Variants in MYLK2 observed in about 807,000 individuals in gnomAD.
MYLK2 encodes myosin light chain kinase 2, skeletal/cardiac muscle.
In MYLK2, 27 loss-of-function variants were observed where a neutral mutation model predicts 58.2. The ratio of observed to expected loss-of-function variants is 0.46; its 90% CI spans 0.34 to 0.64. The LOEUF is 0.64. Ranked by LOEUF, MYLK2 falls within the 30% of genes least tolerant of loss-of-function variation. The pLI is 0.01. For synonymous variants in MYLK2, 310 were observed against 296.7 expected (o/e 1.04, Z -0.46); for missense variants, 676 against 764.3 (o/e 0.88, Z 1.36).
At chr20:31,828,086 C>T in intron 8 of MYLK2, 3 of 645,506 alleles carry the variant, frequency 4.6e-6, no homozygotes, top group Non-Finnish European at 5.8e-6. Flanking sequence ...CGGGGTTTCG[C>T]CATGCTGGTC....
chr20:31,824,392 AGGG>A (rs2062268459), intron 6 of MYLK2, 40 bp downstream of exon 6: 1 of 1,585,028 alleles, frequency 6.3e-7, no homozygotes, highest in East Asian at 2.3e-5. Context: ...CAGGATGGGG[AGGG>A]GATCCTTGGA....
At position 31,833,762 on chromosome 20, in the gene MYLK2, A is replaced by G. The variant is rs753524494; in HGVS notation, c.1756A>G (p.Ser586Gly). Residue 586 changes from serine (S) to glycine (G), a missense_variant, in exon 13 of 13, where the codon AGC (serine) becomes GGC (glycine). Physicochemically the swap from Ser to Gly is moderately conservative, Grantham distance 56 (BLOSUM62 0). This residue lies in a region of MYLK2 where 370 missense variants were observed against 467.8 expected (regional missense o/e 0.79). Coordinates refer to ENST00000375985, the MANE Select transcript of MYLK2 (RefSeq NM_033118.4). ...VSAANRFKKISSSGALMALGV is the reference protein window; with the variant it reads ...VSAANRFKKIGSSGALMALGV ...CGCTGCCAACCGCTTCAAGAAGATCAGCAGCTCGGGGGCACTGATGGCTCT... is the reference window on the plus strand; with the variant it reads ...CGCTGCCAACCGCTTCAAGAAGATCGGCAGCTCGGGGGCACTGATGGCTCT... 6.2e-7 allele frequency: 1 copy of G among 1,613,778 alleles called. No individual in the cohort carries two copies. Among genetic ancestry groups the G allele is most frequent in the South Asian group, 1.1e-5 (1 of 91,086 alleles).
rs1432126645 is a variant in MYLK2 at position 31,826,854 on chromosome 20, G to A, written c.1140G>A (p.Glu380=). 1 of 1,614,152 alleles carries A rather than the reference G, an allele frequency of 6.2e-7. No individual in the cohort carries two copies. The highest frequency in any genetic ancestry group is 1.7e-5 in the Admixed American group (1 of 60,014). ...TGGATGAGGACTACCATCTGACCGA[G>A]GTGGACACCATGGTGTTTGTCAGGC... The part of the protein sequence containing the change: ...RIVDEDYHLT[E]VDTMVFVRQI... The change falls in exon 8 of 13, where the codon GAG becomes GAA. Residue 380 remains glutamate, a synonymous_variant. Coordinates refer to ENST00000375985, the MANE Select transcript of MYLK2 (RefSeq NM_033118.4).
intron 8 of MYLK2, chr20:31,827,463 G>C: frequency 2.0e-6 from 2 of 985,386 alleles, no homozygotes; most frequent in Non-Finnish European, 2.4e-6. Flanking sequence ...TAGTGTCAGC[G>C]TGGCAATGTG....
intron 3 of MYLK2, 24 bp from the exon 4 acceptor site, chr20:31,821,415 C>T: frequency 1.2e-6 from 2 of 1,612,276 alleles, no homozygotes; most frequent in Non-Finnish European, 1.7e-6. Flanking sequence ...CTGAGGGCTT[C>T]ACCTCTGTGT....
In MYLK2 at chr20:31,832,048, A is replaced by G. The variant is rs769061608; in HGVS notation, c.1622A>G (p.Asn541Ser). 1.7e-5 allele frequency: 27 copies of G among 1,606,920 alleles called. No homozygotes were observed. The highest frequency in any genetic ancestry group is 2.2e-5 in the South Asian group (2 of 89,964). The change falls in exon 12 of 13, where the codon AAC (asparagine) becomes AGC (serine). Residue 541 changes from asparagine (N) to serine (S), a missense_variant. Physicochemically the swap from Asn to Ser is conservative, Grantham distance 46. Around this residue, in one of 2 missense-constraint regions of MYLK2, gnomAD observed 370 missense variants for 467.8 expected, o/e 0.79. Coordinates refer to ENST00000375985, the MANE Select transcript of MYLK2 (RefSeq NM_033118.4). ...AAQCLAHPWLNNLAEKAKRCN... is the reference protein window; with the variant it reads ...AAQCLAHPWLSNLAEKAKRCN... The stretch of plus-strand genomic sequence containing the variant: ...CAGTGTCTCGCCCATCCCTGGCTCA[A>G]CAACCTGGCGGAGAAAGCCAAACGC...
At chr20:31,826,754 C>T (rs772480822) in intron 7 of MYLK2, 40 bp downstream of exon 7, 3 of 1,613,958 alleles carry the variant, frequency 1.9e-6, no homozygotes, top group South Asian at 2.2e-5. Context: ...GGTGGGGGTA[C>T]CACCAGGCAC....
chr20:31,833,728 T>A lies in MYLK2; in HGVS notation c.1722T>A (p.Ile574=), dbSNP rs1240208651. The A allele has an allele frequency of 4.3e-6, 7 of 1,613,972 alleles. No homozygotes were observed. The Admixed American group carries it at 1.2e-4, about 27-fold the overall frequency. ...CTTCTGCCCTCTAGAAAAACTTCAT[T>A]GCTGTCAGCGCTGCCAACCGCTTCA... ...LMKRRWKKNF[I]AVSAANRFKK... Residue 574 remains isoleucine, a synonymous_variant, in exon 13 of 13, where the codon ATT becomes ATA. Transcript: ENST00000375985.
In MYLK2 at chr20:31,832,171, G is replaced by T. The variant is rs753114243; in HGVS notation, c.1710+35G>T. The stretch of plus-strand genomic sequence containing the variant: ...GATTCAGGGTGGGGAGGGAGGGCTT[G>T]CTAGTGGGAAGAGCTCCTGGTGCCA... On this transcript the variant is annotated intron_variant, in intron 12 of 12. Coordinates refer to ENST00000375985, the MANE Select transcript of MYLK2 (RefSeq NM_033118.4). The T allele has an allele frequency of 3.8e-6, 6 of 1,593,504 alleles. No individual in the cohort carries two copies. In the South Asian group the frequency reaches 6.8e-5, roughly 18 times the overall value.
intron 8 of MYLK2, among the ~76,000 whole-genome samples, chr20:31,829,249 A>C (rs541395046): frequency 3.9e-5 from 6 of 152,266 alleles, no homozygotes; most frequent in Admixed American, 6.5e-5. Flanking sequence ...TCAGGATAAT[A>C]ATACGTTTTT....
In MYLK2 at chr20:31,824,272, G is replaced by A; in HGVS notation, c.892G>A (p.Ala298Thr). ...KEALGGGKFG[A>T]VCTCMEKATG... ...TTCTCTTTCCAGTGGCAAGTTTGGG[G>A]CAGTCTGTACCTGCATGGAGAAAGC... The change falls in exon 6 of 13, where the codon GCA (alanine) becomes ACA (threonine). Residue 298 changes from alanine (A) to threonine (T), a missense_variant. Coordinates refer to ENST00000375985, the MANE Select transcript of MYLK2 (RefSeq NM_033118.4). The A allele has an allele frequency of 6.2e-7, 1 of 1,613,576 alleles. No homozygotes were observed. Among genetic ancestry groups the A allele is most frequent in the African/African-American group, 1.3e-5 (1 of 75,046 alleles).
chr20:31,826,629 G>A lies in MYLK2; in HGVS notation c.997G>A (p.Val333Ile). ...DKEMVLLEIE[V>I]MNQLNHRNLI... ...GGAAATGGTGTTGCTGGAGATTGAG[G>A]TCATGAACCAGCTGAACCACCGCAA... Residue 333 changes from valine (V) to isoleucine (I), a missense_variant, in exon 7 of 13, where the codon GTC becomes ATC. Coordinates refer to ENST00000375985, the MANE Select transcript of MYLK2 (RefSeq NM_033118.4). The A allele has an allele frequency of 6.2e-7, 1 of 1,613,996 alleles. No individual in the cohort carries two copies. Among genetic ancestry groups the A allele is most frequent in the Non-Finnish European group, 8.5e-7 (1 of 1,179,974 alleles).
At chr20:31,829,607 CA>C (rs769367278) in intron 8 of MYLK2, among the ~76,000 whole-genome samples, 41 of 152,282 alleles carry the variant, frequency 2.7e-4, no homozygotes, top group Non-Finnish European at 2.2e-4. Context: ...TGGGAGGGAT[CA>C]GGGGGTGGTG....
rs757763288 is a variant in MYLK2 at position 31,820,394 on chromosome 20, C to T, written c.321C>T (p.Ser107=). 1.4e-5 allele frequency: 22 copies of T among 1,612,632 alleles called. No individual in the cohort carries two copies. The highest frequency in any genetic ancestry group is 1.9e-5 in the Non-Finnish European group (22 of 1,179,758). The part of the protein sequence containing the change: ...LPQQTATPET[S]VKKPKAEQGA... ...AGCAGACTGCGACACCTGAGACCAG[C>T]GTCAAGAAGCCCAAGGCTGAGCAGG... Residue 107 remains serine, a synonymous_variant, in exon 3 of 13, where the codon AGC becomes AGT. Transcript: ENST00000375985.
chr20:31,824,867 A>G (rs546826595), intron 6 of MYLK2, among the ~76,000 whole-genome samples: 1 of 152,336 alleles, frequency 6.6e-6, no homozygotes, highest in East Asian at 1.9e-4. Flanking sequence ...AGGAGGTAAT[A>G]GCAACCTCGT....
At position 31,820,178 on chromosome 20, in the gene MYLK2, C is replaced by T. The variant is rs551492045; in HGVS notation, c.105C>T (p.Asp35=). 23 of 1,614,008 alleles carry T rather than the reference C, an allele frequency of 1.4e-5. No homozygotes were observed. In the African/African-American group the frequency reaches 2.8e-4, roughly 20 times the overall value. The change falls in exon 3 of 13, where the codon GAC becomes GAT. Residue 35 remains aspartate, a synonymous_variant. Transcript: ENST00000375985. The part of the protein sequence containing the change: ...TGERPLAAGK[D]PGPPDPKKAP... ...AAAGACCCCTGGCTGCAGGGAAAGA[C>T]CCTGGCCCCCCAGACCCAAAGAAAG...
In MYLK2 at chr20:31,826,651, G is replaced by T; in HGVS notation, c.1019G>T (p.Arg340Leu). ...GAGGTCATGAACCAGCTGAACCACC[G>T]CAATCTGATCCAGCTGTATGCAGCC... The part of the protein sequence containing the change: ...EIEVMNQLNH[R>L]NLIQLYAAIE... The change falls in exon 7 of 13, where the codon CGC becomes CTC. Residue 340 changes from arginine to leucine, a missense_variant. Arg to Leu is a moderately radical substitution (Grantham distance 102). Around this residue, in one of 2 missense-constraint regions of MYLK2, gnomAD observed 370 missense variants for 467.8 expected, o/e 0.79. Coordinates refer to ENST00000375985, the MANE Select transcript of MYLK2 (RefSeq NM_033118.4). The T allele has an allele frequency of 6.2e-7, 1 of 1,614,074 alleles. No homozygotes were observed. Among genetic ancestry groups the T allele is most frequent in the East Asian group, 2.2e-5 (1 of 44,878 alleles).
chr20:31,832,084 G>A lies in MYLK2; in HGVS notation c.1658G>A (p.Arg553His), dbSNP rs752670235. ...LAEKAKRCNRRLKSQILLKKY... is the reference protein window; with the variant it reads ...LAEKAKRCNRHLKSQILLKKY... Reference sequence around the variant, plus strand: ...GAGAAAGCCAAACGCTGTAACCGACGCCTTAAGTCCCAGATCTTGCTTAAG... The same window carrying A: ...GAGAAAGCCAAACGCTGTAACCGACACCTTAAGTCCCAGATCTTGCTTAAG... The change falls in exon 12 of 13, where the codon CGC becomes CAC. Residue 553 changes from arginine to histidine, a missense_variant. Physicochemically the swap from Arg to His is conservative, Grantham distance 29. Around this residue, in one of 2 missense-constraint regions of MYLK2, gnomAD observed 370 missense variants for 467.8 expected, o/e 0.79. Coordinates refer to ENST00000375985, the MANE Select transcript of MYLK2 (RefSeq NM_033118.4). 1.2e-5 allele frequency: 20 copies of A among 1,608,948 alleles called. No individual in the cohort carries two copies. Among genetic ancestry groups the A allele is most frequent in the Non-Finnish European group, 1.6e-5 (19 of 1,177,746 alleles).
At position 31,826,792 on chromosome 20, in the gene MYLK2, C is replaced by T. The variant is rs1600410950; in HGVS notation, c.1083-5C>T. 4 of 1,614,096 alleles carry T rather than the reference C, an allele frequency of 2.5e-6. No homozygotes were observed. The highest frequency in any genetic ancestry group is 2.5e-6 in the Non-Finnish European group (3 of 1,180,006). ...AGCAAGCCGTGGAGGGGTCTGTGCA[C>T]ACAGCATCGAGGGCGGAGAGCTCTT... On this transcript the variant is annotated splice_region_variant and splice_polypyrimidine_tract_variant and intron_variant, in intron 7 of 12. Transcript: ENST00000375985.
Sources: gnomAD v4.1 joint callset for allele counts (sites outside exome capture counted in the v4.1 genomes callset) on GRCh38, gnomAD v4.1.1 for gene constraint, gnomAD v4.1.1 regional missense constraint, MANE v1.5 for transcripts, NCBI Gene and HGNC (gene_info 2026-07-23, HGNC 2026-07-21) for gene names.